The following ARHGAP31 variants were observed in gnomAD, a reference collection of about 807,000 sequenced individuals.
ARHGAP31 encodes Rho GTPase activating protein 31.
Under a neutral mutation model 113.9 loss-of-function variants are expected in ARHGAP31, and 34 were observed. The ratio of observed to expected loss-of-function variants is 0.30; its 90% CI spans 0.23 to 0.40. The LOEUF (loss-of-function observed/expected upper bound fraction) is 0.40, where lower values mean the gene tolerates loss of function less well. Among genes scored for constraint, ARHGAP31 ranks in the 10% least tolerant of loss-of-function variants. The pLI is 1.00. For synonymous variants in ARHGAP31, 650 were observed against 684.8 expected, an observed-to-expected ratio of 0.95 and a Z score of 0.79; for missense variants, 1,548 against 1,767.1, an observed-to-expected ratio of 0.88 and a Z score of 2.22.
At chr3:119,338,745 A>G (rs992387922) in intron 1 of ARHGAP31, among the ~76,000 whole-genome samples, 1 of 152,226 alleles carries the variant, frequency 6.6e-6, no homozygotes, top group African/African-American at 2.4e-5. Flanking sequence ...GAAAATACCA[A>G]TGATTGCTGT....
At chr3:119,312,506 G>A (rs2079691153) in intron 1 of ARHGAP31, among the ~76,000 whole-genome samples, 1 of 152,052 alleles carries the variant, frequency 6.6e-6, no homozygotes, top group African/African-American at 2.4e-5. Context: ...TCCCCAGTTT[G>A]AGAAACAATG....
chr3:119,407,703 T>A (rs187174578), intron 10 of ARHGAP31, among the ~76,000 whole-genome samples: 4 of 152,062 alleles, frequency 2.6e-5, no homozygotes, highest in Admixed American at 6.5e-5. Context: ...TTGAAAGAGG[T>A]GTTGTTAGGT....
rs1202982304 is a variant in ARHGAP31, at chr3:119,415,401, T to C, written c.3472T>C (p.Tyr1158His). 6 of 1,613,870 alleles carry C rather than the reference T, an allele frequency of 3.7e-6. No homozygotes were observed. Among genetic ancestry groups the C allele is most frequent in the Non-Finnish European group, 5.1e-6 (6 of 1,180,000 alleles). ...CTGTAAAGCAGACCCCTGGAGGGTT[T>C]ACTCCCAGGACCCCCAGGACCTGGA... ...SYCKADPWRV[Y>H]SQDPQDLDIV... The change falls in exon 12 of 12, where the codon TAC becomes CAC. Residue 1158 changes from tyrosine (Y) to histidine (H), a missense_variant. By Grantham distance (83) the Tyr-to-His change is moderately conservative. Coordinates refer to ENST00000264245, the MANE Select transcript of ARHGAP31 (RefSeq NM_020754.4).
At chr3:119,310,872 A>C (rs1293151546) in intron 1 of ARHGAP31, among the ~76,000 whole-genome samples, 1 of 152,190 alleles carries the variant, frequency 6.6e-6, no homozygotes, top group African/African-American at 2.4e-5. Context: ...TCACCTAATC[A>C]ACTTCCTTTT....
At chr3:119,295,025 T>G (rs1231071361) in intron 1 of ARHGAP31, 21 bp downstream of exon 1, 1 of 1,608,214 alleles carries the variant, frequency 6.2e-7, no homozygotes, top group Admixed American at 1.7e-5. Flanking sequence ...TTGGCCTTTC[T>G]CCCCCGCCCC....
intron 1 of ARHGAP31, among the ~76,000 whole-genome samples, chr3:119,323,465 G>A (rs76390481): frequency 1.3e-5 from 2 of 152,200 alleles, no homozygotes; most frequent in East Asian, 3.8e-4. Context: ...GCTTTGCTTT[G>A]CGTTTCTTTC....
chr3:119,382,226 C>T, intron 4 of ARHGAP31, 66 bp from the exon 5 acceptor site: 1 of 1,371,290 alleles, frequency 7.3e-7, no homozygotes, highest in South Asian at 1.2e-5. Flanking sequence ...TAGAAATTAT[C>T]TCCATATGTC....
chr3:119,326,329 A>C (rs866776455), intron 1 of ARHGAP31, among the ~76,000 whole-genome samples: 2 of 152,220 alleles, frequency 1.3e-5, no homozygotes, highest in African/African-American at 4.8e-5. Flanking sequence ...TGTTAAAATT[A>C]GGGTCTGGTA....
At chr3:119,337,447 G>T (rs1022448855) in intron 1 of ARHGAP31, among the ~76,000 whole-genome samples, 1 of 152,186 alleles carries the variant, frequency 6.6e-6, no homozygotes, top group East Asian at 1.9e-4. Context: ...CCCAAAGAGT[G>T]ACCAGCACCA....
At chr3:119,413,416 T>G (rs1174590489) in intron 11 of ARHGAP31, among the ~76,000 whole-genome samples, 1 of 152,114 alleles carries the variant, frequency 6.6e-6, no homozygotes, top group Admixed American at 6.6e-5. Context: ...ACTGGAAGAC[T>G]CTCATTCTTG....
rs781190136 is a variant in ARHGAP31, at chr3:119,365,362, C to T, written c.147C>T (p.Gly49=). 3.2e-5 allele frequency: 52 copies of T among 1,614,036 alleles called. No individual in the cohort carries two copies. In the Admixed American group the frequency reaches 5.0e-4, roughly 16 times the overall value. Residue 49 remains glycine, a synonymous_variant, in exon 2 of 12, where the codon GGC becomes GGT. Transcript: ENST00000264245. ...GTGCAGAATTTATAGAGACTCACGG[C>T]ATCGTGGATGGAATCTATCGGCTTT... ...KSCAEFIETH[G]IVDGIYRLSG...
intron 1 of ARHGAP31, chr3:119,341,813 A>T (rs1439207127): frequency 6.6e-6 from 1 of 150,540 alleles, no homozygotes; most frequent in Non-Finnish European, 1.5e-5. Context: ...TCTGCCAGAC[A>T]TCCTCTCACT....
intron 1 of ARHGAP31, chr3:119,299,104 G>C (rs1012926122): frequency 6.6e-6 from 1 of 152,178 alleles, no homozygotes; most frequent in African/African-American, 2.4e-5. Context: ...AGGTGATATT[G>C]CTTGCTCTGG....
intron 2 of ARHGAP31, among the ~76,000 whole-genome samples, chr3:119,365,924 G>A (rs1467537547): frequency 1.9e-4 from 29 of 150,938 alleles, no homozygotes; most frequent in Admixed American, 1.7e-3. Context: ...ATTACTGATG[G>A]GTGAAAAAAA....
chr3:119,330,072 T>C (rs998279738), intron 1 of ARHGAP31: 1 of 926,476 alleles, frequency 1.1e-6, no homozygotes, highest in African/African-American at 1.8e-5. Flanking sequence ...TTCAATCGTC[T>C]GATTGTTTGA....
At chr3:119,306,117 T>C (rs974711685) in intron 1 of ARHGAP31, among the ~76,000 whole-genome samples, 1 of 152,254 alleles carries the variant, frequency 6.6e-6, no homozygotes, top group African/African-American at 2.4e-5. Context: ...CAAACTTTAC[T>C]GGGCATAAGA....
chr3:119,409,856 GAA>G (rs202051371), intron 11 of ARHGAP31, 80 bp downstream of exon 11: 23 of 1,417,040 alleles, frequency 1.6e-5, no homozygotes, highest in Admixed American at 2.8e-5. Flanking sequence ...AAAGTAAATT[GAA>G]AAAAAATTTT....
At chr3:119,377,814 A>C (rs966907665) in intron 3 of ARHGAP31, among the ~76,000 whole-genome samples, 1 of 149,746 alleles carries the variant, frequency 6.7e-6, no homozygotes, top group African/African-American at 2.5e-5. Flanking sequence ...ATAGCTTAAA[A>C]TACCTTAAAA....
At chr3:119,411,270 G>T (rs1447829240) in intron 11 of ARHGAP31, among the ~76,000 whole-genome samples, 1 of 152,120 alleles carries the variant, frequency 6.6e-6, no homozygotes, top group Non-Finnish European at 1.5e-5. Context: ...TCTGTGTGGA[G>T]AATGGCTTGA....
Sources: gnomAD v4.1 joint callset for allele counts (sites outside exome capture counted in the v4.1 genomes callset) on GRCh38, gnomAD v4.1.1 for gene constraint, MANE v1.5 for transcripts, NCBI Gene and HGNC (gene_info 2026-07-23, HGNC 2026-07-21) for gene names.